The following ACACA variants were observed in gnomAD, a reference collection of about 807,000 sequenced individuals.
ACACA encodes acetyl-CoA carboxylase 1.
In ACACA, 103 loss-of-function variants were observed where a neutral mutation model predicts 296.1. The observed-to-expected ratio is 0.35, with a 90% CI of 0.30 to 0.41. The LOEUF is 0.41. Ranked by LOEUF, ACACA falls within the 10% of genes least tolerant of loss-of-function variation. The probability of loss-of-function intolerance (pLI) is 1.00; values close to 1 mark genes in which losing one functional copy is unlikely to be tolerated. For missense variants in ACACA, 1,554 were observed against 2,989.7 expected (o/e 0.52, Z 11.20); for synonymous variants, 953 against 1,038.6 (o/e 0.92, Z 1.58).
chr17:37,213,919 G>T (rs2078869538), intron 29 of ACACA, among the ~76,000 whole-genome samples: 2 of 152,042 alleles, frequency 1.3e-5, no homozygotes, highest in Non-Finnish European at 2.9e-5. Context: ...CATTTGGCTT[G>T]ATTCTAGCTG....
chr17:37,226,732 C>G (rs548877567), intron 25 of ACACA, among the ~76,000 whole-genome samples: 1 of 152,200 alleles, frequency 6.6e-6, no homozygotes, highest in South Asian at 2.1e-4. Flanking sequence ...TCATTAGAGA[C>G]CACTAAAAGG....
intron 3 of ACACA, among the ~76,000 whole-genome samples, chr17:37,296,768 G>T (rs1266264531): frequency 1.3e-5 from 2 of 152,040 alleles, no homozygotes; most frequent in African/African-American, 4.8e-5. Flanking sequence ...CCAGGCTGGA[G>T]TACAGTAGCA....
chr17:37,373,168 G>A (rs554291983), intron 1 of ACACA, among the ~76,000 whole-genome samples: 2 of 151,694 alleles, frequency 1.3e-5, no homozygotes, highest in East Asian at 3.9e-4. Context: ...CGTGAGCCAC[G>A]GTGCCCGGCC....
chr17:37,278,494 T>C (rs1034384700), intron 5 of ACACA, among the ~76,000 whole-genome samples: 2 of 152,232 alleles, frequency 1.3e-5, no homozygotes, highest in African/African-American at 4.8e-5. Context: ...TACAGGAGTG[T>C]CTGGAAAGAG....
chr17:37,207,876 G>A, intron 30 of ACACA, 76 bp from the exon 31 acceptor site: 1 of 1,552,290 alleles, frequency 6.4e-7, no homozygotes, highest in South Asian at 1.1e-5. Flanking sequence ...GTAGGGAAAA[G>A]GAACTAGGAG....
At chr17:37,207,181 C>T (rs141848922) in intron 31 of ACACA, among the ~76,000 whole-genome samples, 2,798 of 152,212 alleles carry the variant, frequency 0.018, 34 homozygotes, top group South Asian at 0.049. Context: ...CTGTCATCAT[C>T]GGTCTTAAAG....
intron 30 of ACACA, among the ~76,000 whole-genome samples, chr17:37,209,129 A>C (rs2078639877): frequency 6.6e-6 from 1 of 152,184 alleles, no homozygotes; most frequent in Non-Finnish European, 1.5e-5. Flanking sequence ...TGGGAGTAGA[A>C]GGCAAAGTGG....
chr17:37,244,936 CAGG>C, intron 20 of ACACA, 141 bp downstream of exon 20: 1 of 1,359,280 alleles, frequency 7.4e-7, no homozygotes, highest in Non-Finnish European at 1.1e-6. Flanking sequence ...CATAATACTA[CAGG>C]CACAAATACA....
At chr17:37,192,375 G>A in intron 36 of ACACA, 70 bp from the exon 37 acceptor site, 5 of 1,379,706 alleles carry the variant, frequency 3.6e-6, no homozygotes, top group Admixed American at 1.8e-5. Flanking sequence ...GAATGTGAAT[G>A]TAAAAGAGAT....
intron 14 of ACACA, among the ~76,000 whole-genome samples, chr17:37,256,540 C>T (rs2081236535): frequency 6.6e-6 from 1 of 152,108 alleles, no homozygotes; most frequent in African/African-American, 2.4e-5. Context: ...TAAGACTAGC[C>T]TGGGCAACAA....
chr17:37,223,732 T>C, intron 27 of ACACA, 131 bp from the exon 28 acceptor site: 1 of 714,132 alleles, frequency 1.4e-6, no homozygotes, highest in Non-Finnish European at 2.5e-6. Flanking sequence ...TCTCTGTGCC[T>C]CAGCTTCCTG....
intron 15 of ACACA, among the ~76,000 whole-genome samples, chr17:37,252,583 G>A (rs2081046231): frequency 1.3e-5 from 2 of 152,168 alleles, no homozygotes; most frequent in Non-Finnish European, 2.9e-5. Context: ...TCAGCATCTG[G>A]TAGATACAGA....
chr17:37,118,945 G>T (rs1299376876), intron 50 of ACACA, among the ~76,000 whole-genome samples: 3 of 152,204 alleles, frequency 2.0e-5, no homozygotes, highest in African/African-American at 7.2e-5. Context: ...TTTCCTAGAA[G>T]TGGCACATTG....
At chr17:37,133,729 C>T (rs1250025189) in intron 45 of ACACA, among the ~76,000 whole-genome samples, 1 of 152,202 alleles carries the variant, frequency 6.6e-6, no homozygotes, top group Non-Finnish European at 1.5e-5. Context: ...TTACATTCTA[C>T]TTACTGTATG....
chr17:37,096,167 T>A (rs188071029), intron 54 of ACACA, among the ~76,000 whole-genome samples: 55 of 152,268 alleles, frequency 3.6e-4, no homozygotes, highest in African/African-American at 1.3e-3. Flanking sequence ...AATTCCCTCC[T>A]CCACACAGCC....
chr17:37,243,574 T>C lies in ACACA; in HGVS notation c.2743-15A>G, dbSNP rs1219363963. On this transcript the variant is annotated splice_polypyrimidine_tract_variant and intron_variant, in intron 21 of 55. Transcript: ENST00000616317. ...CAGTCTTTTACCTAGAAAGAAAGCA[T>C]TGGTAAAATAGGACCCAAGTTAACA... 8.7e-6 allele frequency: 14 copies of C among 1,613,076 alleles called. No individual in the cohort carries two copies. Among genetic ancestry groups the C allele is most frequent in the East Asian group, 2.2e-5 (1 of 44,892 alleles).
rs200214570 is a variant in ACACA, at chr17:37,309,163, A to T, written c.338+21010T>A. Among the ~76,000 whole-genome samples, 5 of 152,206 alleles carry T rather than the reference A, an allele frequency of 3.3e-5. No homozygotes were observed. The East Asian group carries it at 7.8e-4, about 24-fold the overall frequency. ...CAGCCTTCCGAGTAGCTAGGAATACAGGCATGCAACACCATGCCCAGCTAT... is the reference window on the plus strand; with the variant it reads ...CAGCCTTCCGAGTAGCTAGGAATACTGGCATGCAACACCATGCCCAGCTAT... On this transcript the variant is annotated intron_variant, in intron 3 of 55. Coordinates refer to ENST00000616317, the MANE Select transcript of ACACA (RefSeq NM_198834.3).
At chr17:37,129,232 G>C (rs188900220) in intron 47 of ACACA, 133 bp downstream of exon 47, 2 of 1,254,602 alleles carry the variant, frequency 1.6e-6, no homozygotes, top group Non-Finnish European at 2.3e-6. Context: ...CTGGTTTTCA[G>C]GTCTTTCTCA....
chr17:37,202,962 C>CTT (rs57395863), intron 33 of ACACA, among the ~76,000 whole-genome samples: 2,287 of 140,038 alleles, frequency 0.016, 44 homozygotes, highest in African/African-American at 0.049. Context: ...GAAGAAAATG[C>CTT]TTTTTTTTTT....
Sources: allele counts gnomAD v4.1 joint callset (sites outside exome capture counted in the v4.1 genomes callset), GRCh38; gene constraint gnomAD v4.1.1; transcripts MANE v1.5; gene names NCBI Gene and HGNC (gene_info 2026-07-23, HGNC 2026-07-21).